Variants in TSC22D2 observed in about 807,000 individuals in gnomAD.
The protein encoded by TSC22D2 is TSC22 domain family member 2.
TSC22D2 carries 5 observed loss-of-function variants against 50.1 expected under a neutral mutation model. That is an observed-to-expected ratio of 0.10 (90% CI 0.05 to 0.21). The LOEUF (loss-of-function observed/expected upper bound fraction) is 0.21. Ranked by LOEUF, TSC22D2 falls within the 10% of genes least tolerant of loss-of-function variation. The pLI, the probability that TSC22D2 is intolerant of heterozygous loss-of-function variation, is 1.00. For synonymous variants in TSC22D2, 501 were observed against 450.1 expected, an observed-to-expected ratio of 1.11 and a Z score of -1.43; for missense variants, 1,003 against 1,015.5, an observed-to-expected ratio of 0.99 and a Z score of 0.17.
chr3:150,409,110 G>A lies in TSC22D2; in HGVS notation c.-241G>A. On this transcript the variant is annotated 5_prime_UTR_variant, in exon 1 of 3. Transcript: ENST00000688009. This position sits in a 1 kb window ranked among gnomAD's most constrained non-coding sequence, Gnocchi z 7.4. ...TGCGAGAGCTAAAAAGGAAGGAGGA[G>A]CCGCCGCGGGACTGAGACGGGGGCA... 1 of 412,484 alleles carries A rather than the reference G, an allele frequency of 2.4e-6. No individual in the cohort carries two copies. The highest frequency in any genetic ancestry group is 4.3e-6 in the Non-Finnish European group (1 of 230,328). 25.6% of individuals were successfully genotyped at this position (412,484 alleles called of 1,614,324 possible).
chr3:150,458,327 C>T, intron 2 of TSC22D2, 49 bp from the exon 3 acceptor site: 1 of 1,572,858 alleles, frequency 6.4e-7, no homozygotes, highest in African/African-American at 1.4e-5. Flanking sequence ...CAGATAGCAC[C>T]ACCTTTATCT....
intron 1 of TSC22D2, among the ~76,000 whole-genome samples, chr3:150,445,725 A>T (rs1160716072): frequency 6.6e-6 from 1 of 152,142 alleles, no homozygotes; most frequent in African/African-American, 2.4e-5. Flanking sequence ...AGATATGTAC[A>T]ACTGTATCCC....
Position 150,458,384 on chromosome 3 carries a change from G to A in TSC22D2, c.2019G>A (p.Val673=). ...AATTTTGTTTTTCACAGGATCTGGTGAAAAGCCATTTGATGTATGCAGTAA... is the reference window on the plus strand; with the variant it reads ...AATTTTGTTTTTCACAGGATCTGGTAAAAAGCCATTTGATGTATGCAGTAA... ...DNKIEQAMDL[V]KSHLMYAVRE... is the part of the protein sequence containing the mutation. The change falls in exon 3 of 3, where the codon GTG becomes GTA. Residue 673 remains valine, a synonymous_variant. Coordinates refer to ENST00000688009, the MANE Select transcript of TSC22D2 (RefSeq NM_001303264.2). The A allele has an allele frequency of 1.2e-6, 2 of 1,612,546 alleles. No individual in the cohort carries two copies. The highest frequency in any genetic ancestry group is 1.7e-6 in the Non-Finnish European group (2 of 1,179,250).
chr3:150,419,934 CAAAT>C (rs1242223623), intron 1 of TSC22D2, among the ~76,000 whole-genome samples: 1 of 152,126 alleles, frequency 6.6e-6, no homozygotes, highest in Non-Finnish European at 1.5e-5. Flanking sequence ...ATATTAATAT[CAAAT>C]AAACTGTTAA....
chr3:150,408,622 G>C lies in TSC22D2; in HGVS notation c.-729G>C, dbSNP rs1340531080. 6.6e-6 allele frequency: 1 copy of C among 152,446 alleles called. No individual in the cohort carries two copies. Among genetic ancestry groups the C allele is most frequent in the African/African-American group, 2.4e-5 (1 of 41,442 alleles). 9.4% of individuals were successfully genotyped at this position (152,446 alleles called of 1,614,324 possible). A position where few individuals can be genotyped will look rare whatever the true frequency, so the allele number is the denominator to read the frequency against. On this transcript the variant is annotated 5_prime_UTR_variant, in exon 1 of 3. Coordinates refer to ENST00000688009, the MANE Select transcript of TSC22D2 (RefSeq NM_001303264.2). ...GTTCCCCCTGTAAGGGGAGGACCGA[G>C]CCGGCTTTCCCCTCCCCCAGAGCGG...
chr3:150,427,451 T>C (rs73007760), intron 1 of TSC22D2, among the ~76,000 whole-genome samples: 3,772 of 152,236 alleles, frequency 0.025, 162 homozygotes, highest in African/African-American at 0.085. Context: ...GAGATTCATC[T>C]GTATGGTTCT....
chr3:150,435,348 T>C (rs902656193), intron 1 of TSC22D2, among the ~76,000 whole-genome samples: 2 of 152,244 alleles, frequency 1.3e-5, no homozygotes, highest in Non-Finnish European at 2.9e-5. Context: ...GGTACATTTG[T>C]ACTAATTTTT....
intron 1 of TSC22D2, among the ~76,000 whole-genome samples, chr3:150,443,600 C>T (rs1720786584): frequency 6.6e-6 from 1 of 152,158 alleles, no homozygotes; most frequent in Non-Finnish European, 1.5e-5. Flanking sequence ...ACTTCAGACT[C>T]CTGGATCTAG....
intron 1 of TSC22D2, among the ~76,000 whole-genome samples, chr3:150,445,327 A>G (rs921695998): frequency 7.9e-6 from 1 of 126,078 alleles, no homozygotes; most frequent in Non-Finnish European, 1.7e-5. Context: ...AATAATAATA[A>G]TAATAATAAT....
intron 1 of TSC22D2, among the ~76,000 whole-genome samples, chr3:150,412,720 G>A (rs1719637981): frequency 6.6e-6 from 1 of 152,056 alleles, no homozygotes; most frequent in Admixed American, 6.5e-5. Context: ...GTGTGTGTGG[G>A]ACTACTAAGT....
intron 1 of TSC22D2, among the ~76,000 whole-genome samples, chr3:150,446,269 CAA>C (rs1180698801): frequency 2.0e-5 from 3 of 152,184 alleles, no homozygotes; most frequent in East Asian, 1.9e-4. Context: ...ATACTTTAGA[CAA>C]GAGATAATAA....
At chr3:150,412,813 C>T (rs113493334) in intron 1 of TSC22D2, among the ~76,000 whole-genome samples, 3 of 152,314 alleles carry the variant, frequency 2.0e-5, no homozygotes, top group Admixed American at 6.5e-5. Context: ...ACACCTGTAA[C>T]ACAGATTGAG....
intron 1 of TSC22D2, among the ~76,000 whole-genome samples, chr3:150,433,249 G>C (rs1181283765): frequency 3.9e-5 from 6 of 152,106 alleles, no homozygotes; most frequent in Admixed American, 2.6e-4. Flanking sequence ...CTTTTTAATT[G>C]TGTGATATTT....
At chr3:150,418,997 A>G (rs1576543466) in intron 1 of TSC22D2, among the ~76,000 whole-genome samples, 1 of 152,106 alleles carries the variant, frequency 6.6e-6, no homozygotes, top group East Asian at 1.9e-4. Flanking sequence ...TTCCCTCAAT[A>G]TTACCTTGAT....
At chr3:150,423,635 G>A (rs910595540) in intron 1 of TSC22D2, among the ~76,000 whole-genome samples, 22 of 152,230 alleles carry the variant, frequency 1.4e-4, no homozygotes, top group African/African-American at 5.3e-4. Flanking sequence ...TTACTGATTT[G>A]TAAGCCCCTA....
At chr3:150,412,226 A>G (rs1005771630) in intron 1 of TSC22D2, among the ~76,000 whole-genome samples, 1 of 152,196 alleles carries the variant, frequency 6.6e-6, no homozygotes. Flanking sequence ...TTTGACATAC[A>G]TATTGCAAAA....
rs1165076750 is a variant in TSC22D2, at chr3:150,461,085, G to A, written c.*2449G>A. On this transcript the variant is annotated 3_prime_UTR_variant, in exon 3 of 3. Coordinates refer to ENST00000688009, the MANE Select transcript of TSC22D2 (RefSeq NM_001303264.2). ...TAGCAGGACTTAACATAGAAAGAAA[G>A]ACAGGCTTTCCTGTGTACTTTTAGA... 14 of 152,084 alleles carry A rather than the reference G, an allele frequency of 9.2e-5. 1 individual carries two copies. The highest frequency in any genetic ancestry group is 8.5e-4 in the Admixed American group (13 of 15,260). 9.4% of individuals were successfully genotyped at this position (152,084 alleles called of 1,614,324 possible).
At chr3:150,450,495 C>T (rs1025370172) in intron 1 of TSC22D2, among the ~76,000 whole-genome samples, 1 of 151,704 alleles carries the variant, frequency 6.6e-6, no homozygotes, top group African/African-American at 2.4e-5. Flanking sequence ...ATTTGTTTTA[C>T]ATTGGTAGAA....
At chr3:150,433,241 T>A (rs940562246) in intron 1 of TSC22D2, among the ~76,000 whole-genome samples, 3 of 152,214 alleles carry the variant, frequency 2.0e-5, no homozygotes, top group African/African-American at 7.2e-5. Context: ...ATTTTTCACT[T>A]TTTAATTGTG....
Sources: allele counts gnomAD v4.1 joint callset (sites outside exome capture counted in the v4.1 genomes callset), GRCh38; gene constraint gnomAD v4.1.1; non-coding constraint Gnocchi (gnomAD v3.1); transcripts MANE v1.5; gene names NCBI Gene and HGNC (gene_info 2026-07-23, HGNC 2026-07-21).